OVCH1: variants seen among roughly 807,000 people sequenced by gnomAD.
OVCH1 encodes the protein ovochymase 1.
A neutral mutation model predicts 138.4 loss-of-function variants in OVCH1; 139 were observed. That is an observed-to-expected ratio of 1.00 (90% CI 0.87 to 1.16). The LOEUF (loss-of-function observed/expected upper bound fraction) is 1.16. Ranked by LOEUF, OVCH1 falls within the 50% of genes most tolerant of loss-of-function variation. The probability of loss-of-function intolerance (pLI) is 0.00; values close to 1 mark genes in which losing one functional copy is unlikely to be tolerated. For synonymous variants in OVCH1, 453 were observed against 467.8 expected, an observed-to-expected ratio of 0.97 and a Z score of 0.41; for missense variants, 1,367 against 1,357.9, an observed-to-expected ratio of 1.01 and a Z score of -0.11.
At chr12:29,454,681 T>C (rs1328203373) in intron 21 of OVCH1, among the ~76,000 whole-genome samples, 160 bp downstream of exon 21, 1 of 152,134 alleles carries the variant, frequency 6.6e-6, no homozygotes, top group Non-Finnish European at 1.5e-5. Flanking sequence ...TCTCCAACAA[T>C]CTTAATAACA....
At chr12:29,489,696 T>C in exon 6 of OVCH1, 2 of 1,610,424 alleles carry the variant, frequency 1.2e-6, no homozygotes, top group Non-Finnish European at 1.7e-6. Context: ...GTTCATGCTC[T>C]TGAGCACAGT....
At chr12:29,439,526 A>T in intron 25 of OVCH1, 3 of 1,344,754 alleles carry the variant, frequency 2.2e-6, no homozygotes, top group Non-Finnish European at 2.9e-6. Flanking sequence ...ACTAAAGGAA[A>T]AATCTCTATC....
chr12:29,421,192 G>T (rs943444230), intron 3 of OVCH1, among the ~76,000 whole-genome samples: 2 of 152,332 alleles, frequency 1.3e-5, no homozygotes, highest in African/African-American at 4.8e-5. Context: ...CTCCAAGCAT[G>T]GCTGGCAGCA....
intron 1 of OVCH1, among the ~76,000 whole-genome samples, chr12:29,497,260 TCAAA>T (rs1158809977): frequency 7.3e-6 from 1 of 137,100 alleles, no homozygotes. Context: ...AGACCCTGTC[TCAAA>T]CAAACAAACA....
chr12:29,439,764 C>T (rs1405590501), intron 25 of OVCH1, among the ~76,000 whole-genome samples, 89 bp downstream of exon 26: 4 of 152,148 alleles, frequency 2.6e-5, no homozygotes, highest in African/African-American at 9.7e-5. Context: ...CTACTGACTG[C>T]CCAGCAATAA....
At chr12:29,451,644 T>C (rs1303653101) in intron 21 of OVCH1, 75 bp from the exon 22 acceptor site, 3 of 1,193,190 alleles carry the variant, frequency 2.5e-6, no homozygotes, top group African/African-American at 1.5e-5. Context: ...ATCACAAGAC[T>C]GAAAAATCTA....
exon 7 of OVCH1, chr12:29,487,746 A>G (rs908861531): frequency 1.7e-5 from 27 of 1,605,452 alleles, no homozygotes; most frequent in Non-Finnish European, 2.1e-5. Context: ...TTTGGAGAAA[A>G]TGCCAAGTGA....
downstream of OVCH1, among the ~76,000 whole-genome samples, chr12:29,412,290 TCA>T (rs1310518227): frequency 6.9e-4 from 105 of 152,200 alleles, no homozygotes; most frequent in Middle Eastern, 6.8e-3. Flanking sequence ...CTGCTTCGGC[TCA>T]CGCACGGTGA....
intron 25 of OVCH1, 136 bp from the exon 26 acceptor site, chr12:29,440,880 C>T: frequency 2.5e-6 from 1 of 404,162 alleles, no homozygotes; most frequent in Non-Finnish European, 4.9e-6. Context: ...TGGAGAGTGA[C>T]ACTTGTATCT....
exon 11 of OVCH1, chr12:29,477,367 A>T: frequency 1.9e-6 from 3 of 1,613,994 alleles, no homozygotes; most frequent in Non-Finnish European, 2.5e-6. Flanking sequence ...TACAGCAGTA[A>T]CGGTAAGCTC....
chr12:29,443,926 G>C lies in OVCH1; in HGVS notation c.3017+219C>G, dbSNP rs189982416. On this transcript the variant is annotated intron_variant, in intron 24 of 27. Coordinates refer to ENST00000318184, the Ensembl canonical transcript of OVCH1. ...TGACTTTTCACTTTGCTAATACATG[G>C]TCTATTTTGTTGAGAAAGTACAATT... Among the ~76,000 whole-genome samples, 437 of 152,056 alleles carry C rather than the reference G, an allele frequency of 2.9e-3. 4 individuals carry two copies. The highest frequency in any genetic ancestry group is 9.9e-3 in the African/African-American group (411 of 41,526).
Position 29,443,504 on chromosome 12 carries a change from T to C in OVCH1, c.3018-4A>G. The stretch of plus-strand genomic sequence containing the variant: ...GGCTACTAATCTCCATTGGCAACTA[T>C]GGCATAGATGAAACAAAGTCAGAAA... On this transcript the variant is annotated splice_polypyrimidine_tract_variant and splice_region_variant and intron_variant, in intron 24 of 27. Coordinates refer to ENST00000318184, the Ensembl canonical transcript of OVCH1. 3 of 1,580,428 alleles carry C rather than the reference T, an allele frequency of 1.9e-6. No homozygotes were observed. The highest frequency in any genetic ancestry group is 2.6e-6 in the Non-Finnish European group (3 of 1,161,766).
intron 3 of OVCH1, among the ~76,000 whole-genome samples, chr12:29,414,020 CTTTTTTT>C (rs74937229): frequency 1.3e-4 from 5 of 38,526 alleles, no homozygotes; most frequent in Admixed American, 4.3e-4. Context: ...CTCTCTCTCT[CTTTTTTT>C]TTTTTTTTTT....
downstream of OVCH1, among the ~76,000 whole-genome samples, chr12:29,409,072 C>T (rs905638854): frequency 1.3e-5 from 2 of 152,164 alleles, no homozygotes; most frequent in African/African-American, 4.8e-5. Context: ...TCCATTTCTT[C>T]TAAATTTTCT....
At position 29,489,804 on chromosome 12, in the gene OVCH1, A is replaced by G. The variant is rs531336715; in HGVS notation, c.551-33T>C. 2.6e-5 allele frequency: 41 copies of G among 1,590,146 alleles called. No individual in the cohort carries two copies. In the South Asian group the frequency reaches 3.1e-4, roughly 12 times the overall value. On this transcript the variant is annotated intron_variant, in intron 5 of 27. Transcript: ENST00000318184. ...GAGAGGACAGATAAGTTAGCACACA[A>G]TATCCTCATGGAAACAAATTAATGG...
chr12:29,416,078 C>CAAAAAA (rs35897065), intron 3 of OVCH1, among the ~76,000 whole-genome samples: 1 of 145,752 alleles, frequency 6.9e-6, no homozygotes. Context: ...ACAAAAAAAG[C>CAAAAAA]AAAAAAAAAA....
chr12:29,454,984 A>C, intron 20 of OVCH1, 51 bp from the exon 21 acceptor site: 1 of 1,460,408 alleles, frequency 6.8e-7, no homozygotes, highest in Admixed American at 1.9e-5. Context: ...CTGAGAACAA[A>C]ATATAGTGGG....
intron 27 of OVCH1, among the ~76,000 whole-genome samples, chr12:29,429,928 T>A (rs1307825025): frequency 6.6e-6 from 1 of 152,236 alleles, no homozygotes; most frequent in Non-Finnish European, 1.5e-5. Flanking sequence ...TATGTTTAAA[T>A]GACTTCTGTT....
At chr12:29,458,469 T>TTC (rs1412877344) in intron 19 of OVCH1, among the ~76,000 whole-genome samples, 3 of 152,150 alleles carry the variant, frequency 2.0e-5, no homozygotes, top group African/African-American at 7.2e-5. Flanking sequence ...TAGTTCCCTA[T>TTC]TCCTCACCAT....
Sources: gnomAD v4.1 joint callset for allele counts (sites outside exome capture counted in the v4.1 genomes callset) on GRCh38, gnomAD v4.1.1 for gene constraint, MANE v1.5 for transcripts, NCBI Gene and HGNC (gene_info 2026-07-23, HGNC 2026-07-21) for gene names.